ERBB4: variants seen among roughly 807,000 people sequenced by gnomAD.
The protein encoded by ERBB4 is erb-b2 receptor tyrosine kinase 4, also known as receptor tyrosine-protein kinase erbB-4.
A neutral mutation model predicts 158.0 loss-of-function variants in ERBB4; 42 were observed. That is an observed-to-expected ratio of 0.27 (90% CI 0.21 to 0.34). The LOEUF is 0.34. ERBB4 is among the 10% of genes least tolerant of loss of function. The probability of loss-of-function intolerance (pLI) is 1.00; values close to 1 mark genes in which losing one functional copy is unlikely to be tolerated. For synonymous variants in ERBB4, 583 were observed against 558.7 expected (o/e 1.04, Z -0.61); for missense variants, 1,333 against 1,624.1 (o/e 0.82, Z 3.08).
intron 1 of ERBB4, among the ~76,000 whole-genome samples, chr2:212,461,492 T>C (rs572566939): frequency 1.3e-5 from 2 of 152,288 alleles, no homozygotes; most frequent in South Asian, 4.2e-4. Context: ...GGAATGACTG[T>C]ATATACCCAA....
At chr2:212,124,661 C>T (rs1445094221) in intron 2 of ERBB4, 91 bp downstream of exon 2, 1 of 1,429,122 alleles carries the variant, frequency 7.0e-7, no homozygotes, top group Non-Finnish European at 9.9e-7. Context: ...CAGAAGAGCA[C>T]CCCTTCCAGG....
intron 3 of ERBB4, among the ~76,000 whole-genome samples, chr2:211,833,486 A>G (rs1410809015): frequency 6.6e-6 from 1 of 152,004 alleles, no homozygotes; most frequent in Non-Finnish European, 1.5e-5. Flanking sequence ...TACTCTAATC[A>G]AGACCTGGCA....
At chr2:212,095,703 C>T (rs1164247025) in intron 2 of ERBB4, among the ~76,000 whole-genome samples, 1 of 151,948 alleles carries the variant, frequency 6.6e-6, no homozygotes, top group Non-Finnish European at 1.5e-5. Flanking sequence ...GAGGCCGAGG[C>T]GGGCGGATCA....
chr2:211,936,500 AT>A (rs2080326006), intron 3 of ERBB4, among the ~76,000 whole-genome samples: 1 of 152,112 alleles, frequency 6.6e-6, no homozygotes, highest in East Asian at 1.9e-4. Context: ...ATAATTTTAC[AT>A]GGCTTACAAT....
At chr2:212,290,561 C>T (rs2086167185) in intron 1 of ERBB4, among the ~76,000 whole-genome samples, 1 of 152,108 alleles carries the variant, frequency 6.6e-6, no homozygotes, top group Admixed American at 6.5e-5. Context: ...TGAAAGAGTT[C>T]TAGTGGGACA....
intron 2 of ERBB4, among the ~76,000 whole-genome samples, chr2:212,089,729 T>G (rs1038305513): frequency 6.6e-6 from 1 of 152,186 alleles, no homozygotes; most frequent in African/African-American, 2.4e-5. Flanking sequence ...TGTGGAACCA[T>G]GAGCCAATTA....
intron 20 of ERBB4, among the ~76,000 whole-genome samples, chr2:211,513,469 G>A (rs2065940622): frequency 6.7e-6 from 1 of 148,506 alleles, no homozygotes; most frequent in African/African-American, 2.5e-5. Context: ...TAGACCTTTT[G>A]TTTAAGAATT....
intron 1 of ERBB4, among the ~76,000 whole-genome samples, chr2:212,272,469 C>G (rs894454980): frequency 2.6e-5 from 4 of 151,664 alleles, no homozygotes; most frequent in Admixed American, 2.6e-4. Flanking sequence ...ATTTCCAGGC[C>G]CAGAGAAGGG....
intron 3 of ERBB4, among the ~76,000 whole-genome samples, chr2:211,864,816 A>C (rs2078161970): frequency 1.3e-5 from 2 of 152,004 alleles, no homozygotes; most frequent in African/African-American, 4.8e-5. Context: ...AAATACAAAA[A>C]TTAGCTGAGT....
At chr2:211,394,134 C>T (rs919130408) in intron 25 of ERBB4, among the ~76,000 whole-genome samples, 2 of 151,964 alleles carry the variant, frequency 1.3e-5, no homozygotes, top group African/African-American at 4.8e-5. Flanking sequence ...GAAAATCTCC[C>T]TCACTTTACA....
chr2:211,628,963 G>T (rs1451354224), intron 17 of ERBB4, among the ~76,000 whole-genome samples: 4 of 152,284 alleles, frequency 2.6e-5, no homozygotes, highest in East Asian at 1.9e-4. Flanking sequence ...CTGCATGAAT[G>T]TCTTCTTTTG....
intron 1 of ERBB4, among the ~76,000 whole-genome samples, chr2:212,200,323 T>C (rs2082555145): frequency 6.6e-6 from 1 of 152,136 alleles, no homozygotes; most frequent in Non-Finnish European, 1.5e-5. Context: ...ATCTCAATAA[T>C]AAAGACTGTA....
intron 2 of ERBB4, among the ~76,000 whole-genome samples, chr2:212,123,353 A>G (rs1176742028): frequency 6.6e-6 from 1 of 152,218 alleles, no homozygotes; most frequent in Non-Finnish European, 1.5e-5. Context: ...CAATGAGCCG[A>G]TATCACACCA....
At chr2:212,001,943 A>G (rs1380090127) in intron 2 of ERBB4, among the ~76,000 whole-genome samples, 1 of 152,220 alleles carries the variant, frequency 6.6e-6, no homozygotes, top group African/African-American at 2.4e-5. Flanking sequence ...TGACCATTAA[A>G]TTACACAAAC....
chr2:211,896,917 T>C (rs1321335005), intron 3 of ERBB4, among the ~76,000 whole-genome samples: 2 of 151,966 alleles, frequency 1.3e-5, no homozygotes, highest in Admixed American at 6.6e-5. Context: ...AGAGAATACT[T>C]AGTCAAATTT....
chr2:211,872,038 A>C (rs1314311933), intron 3 of ERBB4, among the ~76,000 whole-genome samples: 10 of 152,010 alleles, frequency 6.6e-5, no homozygotes, highest in Admixed American at 6.6e-4. Context: ...ATGCTTTATG[A>C]AGTCAGACAT....
At chr2:212,359,144 C>T (rs2089584472) in intron 1 of ERBB4, among the ~76,000 whole-genome samples, 1 of 151,468 alleles carries the variant, frequency 6.6e-6, no homozygotes, top group Non-Finnish European at 1.5e-5. Context: ...ACAGCAAGCC[C>T]CCTTTAAAAT....
chr2:212,405,532 C>T (rs1046188522), intron 1 of ERBB4, among the ~76,000 whole-genome samples: 5 of 152,002 alleles, frequency 3.3e-5, no homozygotes, highest in African/African-American at 1.2e-4. Flanking sequence ...GACACATGCA[C>T]ACGAATGTTC....
intron 5 of ERBB4, among the ~76,000 whole-genome samples, chr2:211,734,076 T>C (rs2074521158): frequency 6.6e-6 from 1 of 151,956 alleles, no homozygotes; most frequent in African/African-American, 2.4e-5. Context: ...TTTAAAAATT[T>C]TGTCTCAAAA....
Sources: gnomAD v4.1 joint callset for allele counts (sites outside exome capture counted in the v4.1 genomes callset) on GRCh38, gnomAD v4.1.1 for gene constraint, MANE v1.5 for transcripts, NCBI Gene and HGNC (gene_info 2026-07-23, HGNC 2026-07-21) for gene names.